The following PAK1 variants were observed in gnomAD, a reference collection of about 807,000 sequenced individuals.
PAK1 encodes serine/threonine-protein kinase PAK 1.
Under a neutral mutation model 67.4 loss-of-function variants are expected in PAK1, and 29 were observed. The ratio of observed to expected loss-of-function variants is 0.43; its 90% CI spans 0.32 to 0.59. The LOEUF is 0.59. Ranked by LOEUF, PAK1 falls within the 20% of genes least tolerant of loss-of-function variation. PAK1 has a pLI of 0.07. For synonymous variants in PAK1, 223 were observed against 237.4 expected (o/e 0.94, Z 0.56); for missense variants, 337 against 670.7 (o/e 0.50, Z 5.50).
intron 1 of PAK1, among the ~76,000 whole-genome samples, chr11:77,429,074 AAAAAAAAAAAAAAAAAAAAAC>A (rs1955726440): frequency 1.6e-5 from 2 of 126,368 alleles, no homozygotes; most frequent in African/African-American, 6.8e-5. Context: ...AAAAAAAAAA[AAAAAAAAAAAAAAAAAAAAAC>A]ACACACACAC....
chr11:77,516,058 G>C, the PAK1 span, among the ~76,000 whole-genome samples: 4 of 152,176 alleles, frequency 2.6e-5, no homozygotes, highest in Non-Finnish European at 4.4e-5. Context: ...TGTGCCATTT[G>C]TTTTTAGCTG....
At chr11:77,369,171 A>AT (rs1417331608) in intron 5 of PAK1, among the ~76,000 whole-genome samples, 2 of 151,628 alleles carry the variant, frequency 1.3e-5, no homozygotes, top group Non-Finnish European at 2.9e-5. Context: ...GGCTTTTAAG[A>AT]TTTTTCTCTT....
intron 2 of PAK1, among the ~76,000 whole-genome samples, chr11:77,380,682 G>A (rs898292496): frequency 6.6e-6 from 1 of 152,132 alleles, no homozygotes; most frequent in Non-Finnish European, 1.5e-5. Flanking sequence ...ATATGTAATA[G>A]TAATTGACTA....
the PAK1 span, among the ~76,000 whole-genome samples, chr11:77,506,293 A>G: frequency 6.2e-4 from 95 of 152,296 alleles, no homozygotes; most frequent in South Asian, 1.0e-3. Context: ...CCACAACGAC[A>G]TGAGGTTGGA....
At chr11:77,475,643 G>A (rs1007067085), upstream of PAK1, 2 of 152,156 alleles carry the variant, frequency 1.3e-5, no homozygotes, top group Non-Finnish European at 2.9e-5. Flanking sequence ...CCTATTCATT[G>A]TACAAAGCTG....
chr11:77,397,566 A>G (rs190842495), intron 1 of PAK1, among the ~76,000 whole-genome samples: 3 of 152,322 alleles, frequency 2.0e-5, no homozygotes, highest in Middle Eastern at 3.4e-3. Context: ...ATAAAGATAC[A>G]GTGCTACAGT....
At chr11:77,353,264 G>A (rs963803750) in intron 8 of PAK1, 31 of 351,156 alleles carry the variant, frequency 8.8e-5, no homozygotes, top group African/African-American at 6.6e-4. Flanking sequence ...TGTAATTTGG[G>A]AAGTTGGTTT....
intron 11 of PAK1, among the ~76,000 whole-genome samples, chr11:77,340,011 G>T (rs143923456): frequency 6.6e-6 from 1 of 152,274 alleles, no homozygotes; most frequent in African/African-American, 2.4e-5. Context: ...AGGCTTTCTG[G>T]AGGGCTTTTC....
At chr11:77,413,965 C>A (rs555229975) in intron 1 of PAK1, among the ~76,000 whole-genome samples, 1 of 152,196 alleles carries the variant, frequency 6.6e-6, no homozygotes, top group African/African-American at 2.4e-5. Flanking sequence ...CCACCCCATG[C>A]AGCATCCTCT....
chr11:77,463,023 G>A (rs992867520), intron 1 of PAK1, among the ~76,000 whole-genome samples: 13 of 151,594 alleles, frequency 8.6e-5, no homozygotes, highest in Admixed American at 7.9e-4. Flanking sequence ...AGGAAAAAGG[G>A]TACTATGTTA....
chr11:77,327,581 T>C (rs1177009869), intron 14 of PAK1, among the ~76,000 whole-genome samples: 2 of 152,076 alleles, frequency 1.3e-5, no homozygotes, highest in Non-Finnish European at 2.9e-5. Context: ...GACAAGCAAA[T>C]GCTGAGAGAT....
chr11:77,369,191 A>G (rs1458199733), intron 5 of PAK1, among the ~76,000 whole-genome samples: 1 of 151,832 alleles, frequency 6.6e-6, no homozygotes, highest in Non-Finnish European at 1.5e-5. Flanking sequence ...TTATTCTTGG[A>G]TCTCTTTTCA....
chr11:77,370,462 G>C (rs555057372), intron 5 of PAK1, among the ~76,000 whole-genome samples: 1 of 152,178 alleles, frequency 6.6e-6, no homozygotes, highest in African/African-American at 2.4e-5. Context: ...TGCCCCTACT[G>C]TTTCAAAGGT....
the PAK1 span, among the ~76,000 whole-genome samples, chr11:77,526,692 C>T: frequency 1.3e-5 from 2 of 152,098 alleles, no homozygotes; most frequent in East Asian, 1.9e-4. Context: ...CTGAGGTGGG[C>T]GGATCACGAG....
chr11:77,345,146 G>T (rs1392051626), intron 9 of PAK1, among the ~76,000 whole-genome samples: 1 of 152,010 alleles, frequency 6.6e-6, no homozygotes, highest in Admixed American at 6.5e-5. Flanking sequence ...CTTACAACTT[G>T]CTATCATGTA....
intron 1 of PAK1, among the ~76,000 whole-genome samples, chr11:77,426,295 A>T (rs536008724): frequency 6.6e-6 from 1 of 152,142 alleles, no homozygotes; most frequent in South Asian, 2.1e-4. Flanking sequence ...ATGGAAGTAA[A>T]CGTAGCTTTA....
At chr11:77,446,429 T>C (rs778161188) in intron 1 of PAK1, among the ~76,000 whole-genome samples, 13 of 149,998 alleles carry the variant, frequency 8.7e-5, no homozygotes, top group African/African-American at 2.5e-4. Flanking sequence ...TGAGAAACAC[T>C]TGAACCCAGG....
At chr11:77,505,004 A>G in the PAK1 span, among the ~76,000 whole-genome samples, 1 of 152,248 alleles carries the variant, frequency 6.6e-6, no homozygotes, top group Non-Finnish European at 1.5e-5. Context: ...TAGTGGAGCC[A>G]CGATCTGGAG....
At chr11:77,404,792 T>C (rs757103672) in intron 1 of PAK1, among the ~76,000 whole-genome samples, 1 of 152,220 alleles carries the variant, frequency 6.6e-6, no homozygotes, top group Non-Finnish European at 1.5e-5. Flanking sequence ...TATGTCAACC[T>C]TTCCCTCTCT....
Sources: allele counts gnomAD v4.1 joint callset (sites outside exome capture counted in the v4.1 genomes callset), GRCh38; gene constraint gnomAD v4.1.1; transcripts MANE v1.5; gene names NCBI Gene and HGNC (gene_info 2026-07-23, HGNC 2026-07-21).